The following NCKAP5 variants were observed in gnomAD, a reference collection of about 807,000 sequenced individuals.
NCKAP5 encodes the protein nck-associated protein 5.
Under a neutral mutation model 167.0 loss-of-function variants are expected in NCKAP5, and 92 were observed. That is an observed-to-expected ratio of 0.55 (90% CI 0.47 to 0.66). The LOEUF (loss-of-function observed/expected upper bound fraction) is 0.66, where lower values mean the gene tolerates loss of function less well. NCKAP5 is among the 30% of genes least tolerant of loss of function. NCKAP5 has a pLI of 0.00. For missense variants in NCKAP5, 2,378 were observed against 2,315.0 expected (o/e 1.03, Z -0.56); for synonymous variants, 891 against 877.4 (o/e 1.02, Z -0.27).
chr2:132,851,428 C>T (rs909164917), intron 11 of NCKAP5, among the ~76,000 whole-genome samples: 5 of 152,100 alleles, frequency 3.3e-5, no homozygotes, highest in Non-Finnish European at 7.4e-5. Flanking sequence ...TTATCTTCAT[C>T]CCCCTGATCA....
chr2:132,794,630 C>T (rs1224654460), intron 12 of NCKAP5, among the ~76,000 whole-genome samples: 2 of 137,868 alleles, frequency 1.5e-5, no homozygotes, highest in Non-Finnish European at 3.1e-5. Flanking sequence ...AGTGAGACTT[C>T]ATCTCAACAA....
chr2:133,128,371 G>A (rs568953672), intron 6 of NCKAP5, among the ~76,000 whole-genome samples: 22 of 152,288 alleles, frequency 1.4e-4, no homozygotes, highest in African/African-American at 5.1e-4. Context: ...CCTTCACAAG[G>A]TTCCTATATC....
At chr2:133,086,875 C>T (rs996253835) in intron 6 of NCKAP5, among the ~76,000 whole-genome samples, 15 of 152,046 alleles carry the variant, frequency 9.9e-5, no homozygotes, top group African/African-American at 2.4e-4. Context: ...ATTTTAGACA[C>T]GAACATTTTA....
At chr2:133,264,786 T>A (rs1261361396) in intron 4 of NCKAP5, among the ~76,000 whole-genome samples, 1 of 152,134 alleles carries the variant, frequency 6.6e-6, no homozygotes, top group Non-Finnish European at 1.5e-5. Flanking sequence ...TAGAGACAGG[T>A]GCAGAAATTT....
chr2:133,520,717 G>A (rs1684404096), intron 2 of NCKAP5, among the ~76,000 whole-genome samples: 2 of 152,196 alleles, frequency 1.3e-5, no homozygotes, highest in South Asian at 4.1e-4. Context: ...ATCTGCCTAT[G>A]TGGAAAGCTG....
intron 8 of NCKAP5, among the ~76,000 whole-genome samples, chr2:132,960,415 C>T (rs762594259): frequency 3.9e-5 from 6 of 152,104 alleles, no homozygotes; most frequent in East Asian, 1.9e-4. Flanking sequence ...AAGGCTACTG[C>T]GAAACGCCCT....
intron 11 of NCKAP5, among the ~76,000 whole-genome samples, chr2:132,846,931 G>T (rs565924656): frequency 2.0e-5 from 3 of 150,662 alleles, no homozygotes; most frequent in South Asian, 4.2e-4. Context: ...TCCAGAGAAT[G>T]ATTTGTGTAT....
chr2:132,851,031 AT>A (rs141373484), intron 11 of NCKAP5, among the ~76,000 whole-genome samples: 10 of 150,460 alleles, frequency 6.6e-5, no homozygotes, highest in African/African-American at 2.0e-4. Context: ...TTTTTCAAGC[AT>A]TTTTTTTTCT....
At chr2:133,271,754 A>G (rs1240155904) in intron 4 of NCKAP5, among the ~76,000 whole-genome samples, 1 of 152,184 alleles carries the variant, frequency 6.6e-6, no homozygotes, top group African/African-American at 2.4e-5. Context: ...GAGAAATTCA[A>G]ATAAGACTGG....
intron 3 of NCKAP5, among the ~76,000 whole-genome samples, chr2:133,401,560 T>C (rs539221739): frequency 1.3e-5 from 2 of 152,236 alleles, no homozygotes; most frequent in African/African-American, 4.8e-5. Context: ...ATCCACTTGG[T>C]GTCTAGAGAG....
chr2:133,145,291 G>A (rs1377851044), intron 5 of NCKAP5, among the ~76,000 whole-genome samples: 3 of 151,870 alleles, frequency 2.0e-5, no homozygotes, highest in Non-Finnish European at 4.4e-5. Context: ...ATTTTCCAAT[G>A]AGAACACATG....
At chr2:133,537,277 T>C (rs1685835238) in intron 2 of NCKAP5, among the ~76,000 whole-genome samples, 1 of 152,068 alleles carries the variant, frequency 6.6e-6, no homozygotes, top group Non-Finnish European at 1.5e-5. Flanking sequence ...TTGGCTGTTT[T>C]TGATATCTTG....
chr2:132,949,576 A>G (rs1453437528), intron 8 of NCKAP5, among the ~76,000 whole-genome samples: 3 of 152,138 alleles, frequency 2.0e-5, no homozygotes, highest in African/African-American at 7.2e-5. Context: ...TTCACCTTGA[A>G]GCCCCCTCAG....
At chr2:133,460,309 T>C (rs1692125766) in intron 3 of NCKAP5, among the ~76,000 whole-genome samples, 1 of 152,240 alleles carries the variant, frequency 6.6e-6, no homozygotes, top group Non-Finnish European at 1.5e-5. Flanking sequence ...TTGTATTGCC[T>C]GAGGTCTGCT....
At chr2:133,097,146 C>T (rs2081368380) in intron 6 of NCKAP5, among the ~76,000 whole-genome samples, 1 of 152,000 alleles carries the variant, frequency 6.6e-6, no homozygotes, top group South Asian at 2.1e-4. Context: ...CATGTGACAC[C>T]CTTGACCCTT....
At chr2:133,008,847 T>C (rs2149354960) in intron 6 of NCKAP5, among the ~76,000 whole-genome samples, 1 of 152,322 alleles carries the variant, frequency 6.6e-6, no homozygotes, top group Middle Eastern at 3.4e-3. Flanking sequence ...TGGGGTCTCA[T>C]GAATGTGGAT....
intron 6 of NCKAP5, among the ~76,000 whole-genome samples, chr2:133,087,924 T>G (rs942313532): frequency 1.1e-4 from 16 of 152,174 alleles, no homozygotes; most frequent in African/African-American, 3.9e-4. Context: ...ATGATCTCCT[T>G]CTTTACGGAG....
chr2:133,387,663 G>A (rs1221990648), intron 3 of NCKAP5, among the ~76,000 whole-genome samples: 2 of 152,178 alleles, frequency 1.3e-5, no homozygotes, highest in African/African-American at 4.8e-5. Context: ...CATTCTCCCT[G>A]TCACTTTCAG....
At chr2:133,103,790 T>C (rs1189089073) in intron 6 of NCKAP5, among the ~76,000 whole-genome samples, 1 of 152,154 alleles carries the variant, frequency 6.6e-6, no homozygotes, top group East Asian at 1.9e-4. Context: ...AGTCAGTCAA[T>C]CAATCAATGA....
Sources: allele counts gnomAD v4.1 joint callset (sites outside exome capture counted in the v4.1 genomes callset), GRCh38; gene constraint gnomAD v4.1.1; transcripts MANE v1.5; gene names NCBI Gene and HGNC (gene_info 2026-07-23, HGNC 2026-07-21).